The following DLGAP1 variants were observed in gnomAD, a reference collection of about 807,000 sequenced individuals.
The protein encoded by DLGAP1 is disks large-associated protein 1.
DLGAP1 carries 11 observed loss-of-function variants against 90.8 expected under a neutral mutation model. The observed-to-expected ratio is 0.12, with a 90% CI of 0.08 to 0.20. The LOEUF is 0.20. DLGAP1 is among the 10% of genes least tolerant of loss of function. DLGAP1 has a pLI of 1.00. For missense variants in DLGAP1, 1,050 were observed against 1,333.8 expected, an observed-to-expected ratio of 0.79 and a Z score of 3.31; for synonymous variants, 558 against 540.7, an observed-to-expected ratio of 1.03 and a Z score of -0.44.
chr18:3,655,261 A>G (rs2059442829), intron 7 of DLGAP1, among the ~76,000 whole-genome samples: 1 of 152,194 alleles, frequency 6.6e-6, no homozygotes, highest in African/African-American at 2.4e-5. Context: ...ATAAACGAGA[A>G]CACACACCCC....
intron 1 of DLGAP1, among the ~76,000 whole-genome samples, chr18:4,411,258 C>T (rs2082770997): frequency 6.6e-6 from 1 of 152,170 alleles, no homozygotes. Context: ...AAACATCACC[C>T]ACCACACAGC....
chr18:3,574,819 AT>A (rs199934333), intron 8 of DLGAP1, among the ~76,000 whole-genome samples: 15 of 55,140 alleles, frequency 2.7e-4, no homozygotes, highest in African/African-American at 7.9e-4. Context: ...ATTTTATTTT[AT>A]TTTATTTATT....
chr18:3,570,189 G>A (rs2054684597), intron 8 of DLGAP1, among the ~76,000 whole-genome samples: 1 of 151,826 alleles, frequency 6.6e-6, no homozygotes, highest in Non-Finnish European at 1.5e-5. Context: ...TTTCCCAGGT[G>A]TATCCCTGTC....
intron 7 of DLGAP1, among the ~76,000 whole-genome samples, chr18:3,694,670 C>T (rs951325376): frequency 1.3e-5 from 2 of 152,226 alleles, no homozygotes; most frequent in African/African-American, 4.8e-5. Flanking sequence ...TTGTTGGCTG[C>T]ATAAATGTCT....
At chr18:4,120,584 C>T (rs1270670781) in intron 2 of DLGAP1, among the ~76,000 whole-genome samples, 2 of 152,152 alleles carry the variant, frequency 1.3e-5, no homozygotes, top group African/African-American at 2.4e-5. Context: ...CTATAGGTTT[C>T]GCCTGACAAG....
At chr18:3,909,791 C>T (rs1405715028) in intron 3 of DLGAP1, among the ~76,000 whole-genome samples, 1 of 152,154 alleles carries the variant, frequency 6.6e-6, no homozygotes, top group Non-Finnish European at 1.5e-5. Context: ...CAATGAACTT[C>T]ACCTTTCTAT....
intron 1 of DLGAP1, among the ~76,000 whole-genome samples, chr18:4,238,323 G>C (rs2145109062): frequency 6.6e-6 from 1 of 152,146 alleles, no homozygotes; most frequent in South Asian, 2.1e-4. Context: ...GAAAACCCAA[G>C]GTCAGGTTTA....
At chr18:3,751,861 ACTT>A (rs376133799) in intron 5 of DLGAP1, among the ~76,000 whole-genome samples, 4,038 of 114,910 alleles carry the variant, frequency 0.035, 82 homozygotes, top group Middle Eastern at 0.081. Flanking sequence ...CTGTGCCCGG[ACTT>A]CTTCTTCTTC....
intron 3 of DLGAP1, among the ~76,000 whole-genome samples, chr18:3,941,514 C>T (rs923707765): frequency 6.6e-6 from 1 of 152,140 alleles, no homozygotes; most frequent in Non-Finnish European, 1.5e-5. Context: ...GGTTGATTCC[C>T]AGAATCTGTA....
At chr18:3,881,234 C>T (rs1291810719) in intron 3 of DLGAP1, among the ~76,000 whole-genome samples, 1 of 151,996 alleles carries the variant, frequency 6.6e-6, no homozygotes, top group East Asian at 2.0e-4. Flanking sequence ...AAGTGATTCC[C>T]CTGCCCCAGC....
At chr18:3,815,921 C>T (rs926645501) in intron 4 of DLGAP1, among the ~76,000 whole-genome samples, 3 of 151,952 alleles carry the variant, frequency 2.0e-5, no homozygotes, top group African/African-American at 4.8e-5. Flanking sequence ...AGAAGAGAAA[C>T]GAGAGTTAGC....
intron 6 of DLGAP1, among the ~76,000 whole-genome samples, chr18:3,735,503 G>A (rs962251936): frequency 5.3e-5 from 8 of 152,148 alleles, no homozygotes; most frequent in African/African-American, 1.7e-4. Context: ...GATTACAGGC[G>A]TGAGCCACCG....
intron 5 of DLGAP1, among the ~76,000 whole-genome samples, chr18:3,760,580 T>C (rs373576555): frequency 6.6e-6 from 1 of 152,144 alleles, no homozygotes; most frequent in African/African-American, 2.4e-5. Flanking sequence ...GCTGCTTTCA[T>C]GATCGCAGGA....
At chr18:4,026,429 C>G (rs957457180) in intron 2 of DLGAP1, among the ~76,000 whole-genome samples, 1 of 152,120 alleles carries the variant, frequency 6.6e-6, no homozygotes, top group East Asian at 1.9e-4. Flanking sequence ...GGGTTTTGCA[C>G]TTTTCAGGGT....
chr18:3,635,162 G>A lies in DLGAP1; in HGVS notation c.1592-52914C>T, dbSNP rs184265746. On this transcript the variant is annotated intron_variant, in intron 7 of 12. Coordinates refer to ENST00000315677, the MANE Select transcript of DLGAP1 (RefSeq NM_004746.4). ...TTTTTTTTTTTTGAGAGGGAGTCTC[G>A]CTCTTTCACCCAGGCTGGAGTGCAG... Among the ~76,000 whole-genome samples, 988 of 145,598 alleles carry A rather than the reference G, an allele frequency of 6.8e-3. 8 individuals are homozygous for A. Among genetic ancestry groups the A allele is most frequent in the African/African-American group, 0.023 (900 of 39,100 alleles).
chr18:4,298,941 C>A (rs1410061739), intron 1 of DLGAP1, among the ~76,000 whole-genome samples: 2 of 151,654 alleles, frequency 1.3e-5, no homozygotes, highest in African/African-American at 2.4e-5. Context: ...ATTAGCCAAG[C>A]GTGGTGGCAG....
At chr18:4,096,514 T>C (rs2075681946) in intron 2 of DLGAP1, among the ~76,000 whole-genome samples, 1 of 152,178 alleles carries the variant, frequency 6.6e-6, no homozygotes, top group Non-Finnish European at 1.5e-5. Context: ...TAAGGTACTT[T>C]TTGCCATTCT....
At chr18:4,003,800 A>AAAAAT (rs1395837251) in intron 3 of DLGAP1, among the ~76,000 whole-genome samples, 2 of 152,224 alleles carry the variant, frequency 1.3e-5, no homozygotes, top group African/African-American at 2.4e-5. Flanking sequence ...TTGTGCACAG[A>AAAAAT]AAAATAAAGG....
chr18:3,896,567 G>C (rs541574898), intron 3 of DLGAP1: 1 of 152,342 alleles, frequency 6.6e-6, no homozygotes, highest in Admixed American at 6.5e-5. Flanking sequence ...CAGTGGCCCT[G>C]AGATCATGTT....
Sources: gnomAD v4.1 joint callset for allele counts (sites outside exome capture counted in the v4.1 genomes callset) on GRCh38, gnomAD v4.1.1 for gene constraint, MANE v1.5 for transcripts, NCBI Gene and HGNC (gene_info 2026-07-23, HGNC 2026-07-21) for gene names.